The following IPCEF1 variants were observed in gnomAD, a reference collection of about 807,000 sequenced individuals.
IPCEF1 encodes interaction protein for cytohesin exchange factors 1, also known as interactor protein for cytohesin exchange factors 1.
Under a neutral mutation model 50.9 loss-of-function variants are expected in IPCEF1, and 31 were observed. The ratio of observed to expected loss-of-function variants is 0.61; its 90% CI spans 0.46 to 0.82. The LOEUF (loss-of-function observed/expected upper bound fraction) is 0.82, where lower values mean the gene tolerates loss of function less well. Among genes scored for constraint, IPCEF1 ranks in the 40% least tolerant of loss-of-function variants. The probability of loss-of-function intolerance (pLI) is 0.00; values close to 1 mark genes in which losing one functional copy is unlikely to be tolerated. For synonymous variants in IPCEF1, 181 were observed against 192.0 expected (o/e 0.94, Z 0.47); for missense variants, 458 against 514.0 (o/e 0.89, Z 1.05).
chr6:154,236,714 AT>A (rs1192649296), intron 5 of IPCEF1, among the ~76,000 whole-genome samples: 1 of 152,182 alleles, frequency 6.6e-6, no homozygotes, highest in Non-Finnish European at 1.5e-5. Context: ...GGTAACAGAC[AT>A]CTATTCATGC....
intron 3 of IPCEF1, among the ~76,000 whole-genome samples, chr6:154,259,604 A>C (rs766100194): frequency 2.0e-5 from 3 of 152,206 alleles, no homozygotes; most frequent in Non-Finnish European, 2.9e-5. Context: ...GTGAACCGAG[A>C]TCGCTCCATT....
At position 154,307,282 on chromosome 6, in the gene IPCEF1, A is replaced by C. The variant is rs1782960104; in HGVS notation, c.-61-17526T>G. 2.6e-5 allele frequency among the ~76,000 whole-genome samples: 4 copies of C among 152,100 alleles called. No homozygotes were observed. In the South Asian group the frequency reaches 8.3e-4, roughly 31 times the overall value. On this transcript the variant is annotated intron_variant, in intron 1 of 11. Transcript: ENST00000367220. ...GTTCTCATGATAGTGAATGGGTCTC[A>C]TGAGATCTGATAGTTTTTAAAATGG...
At chr6:154,213,327 A>C (rs965214157) in intron 8 of IPCEF1, 5 of 159,200 alleles carry the variant, frequency 3.1e-5, no homozygotes, top group Admixed American at 6.2e-5. Flanking sequence ...ACGAAGCTAG[A>C]AGGTGGTGGA....
chr6:154,190,501 G>A lies in IPCEF1; in HGVS notation c.910+9167C>T, dbSNP rs537959945. ...TAGCATGGCGAAAATCCAAAACACA[G>A]AAAACACCAAACGTTGGCAAGGATG... On this transcript the variant is annotated intron_variant, in intron 10 of 11. Transcript: ENST00000367220. Among the ~76,000 whole-genome samples, 874 of 152,226 alleles carry A rather than the reference G, an allele frequency of 5.7e-3. 10 individuals are homozygous for A. The highest frequency in any genetic ancestry group is 0.02 in the African/African-American group (849 of 41,538).
intron 10 of IPCEF1, among the ~76,000 whole-genome samples, chr6:154,195,165 T>TTTTTA (rs1776498737): frequency 7.8e-6 from 1 of 128,728 alleles, no homozygotes; most frequent in African/African-American, 2.8e-5. Context: ...TTTTTTTTTT[T>TTTTTA]GAGACAGAAT....
Position 154,238,338 on chromosome 6 carries a change from C to T in IPCEF1, c.246+8253G>A, listed in dbSNP as rs558670074. Among the ~76,000 whole-genome samples the T allele has an allele frequency of 2.0e-5, 3 of 152,288 alleles. No homozygotes were observed. The South Asian group carries it at 6.2e-4, about 32-fold the overall frequency. On this transcript the variant is annotated intron_variant, in intron 5 of 11. Transcript: ENST00000367220. ...TGGCGCTGTCTCGGCTCACTGCAACCTCTGCCTCCCAGGTTCAAGCGATTC... is the reference window on the plus strand; with the variant it reads ...TGGCGCTGTCTCGGCTCACTGCAACTTCTGCCTCCCAGGTTCAAGCGATTC...
At chr6:154,288,918 A>C (rs1302709249) in intron 2 of IPCEF1, among the ~76,000 whole-genome samples, 1 of 152,000 alleles carries the variant, frequency 6.6e-6, no homozygotes, top group East Asian at 1.9e-4. Context: ...TTTAAAAATT[A>C]GCTGGGCATG....
intron 2 of IPCEF1, among the ~76,000 whole-genome samples, chr6:154,277,527 T>C (rs978141716): frequency 2.6e-5 from 4 of 152,228 alleles, no homozygotes; most frequent in African/African-American, 7.2e-5. Flanking sequence ...TGACATTCTT[T>C]CAATTTCAAT....
chr6:154,349,183 C>CTTA lies in IPCEF1; in HGVS notation c.-62+7486_-62+7488dup, dbSNP rs149749046. On this transcript the variant is annotated intron_variant, in intron 1 of 11. Transcript: ENST00000367220. ...TTCTCAGAGGTTTGTATTATTTTATCTTATTATTATTATTATTATTATTAT... is the reference window on the plus strand; with the variant it reads ...TTCTCAGAGGTTTGTATTATTTTATCTTATTATTATTATTATTATTATTATTAT... Among the ~76,000 whole-genome samples, 1,189 of 147,586 alleles carry CTTA rather than the reference C, an allele frequency of 8.1e-3. 14 individuals carry two copies. Among genetic ancestry groups the CTTA allele is most frequent in the African/African-American group, 0.023 (932 of 39,938 alleles).
chr6:154,187,164 T>A (rs1257036419), intron 10 of IPCEF1, among the ~76,000 whole-genome samples: 1 of 152,102 alleles, frequency 6.6e-6, no homozygotes, highest in East Asian at 1.9e-4. Context: ...CCCTCTCCCC[T>A]CCATAGTTTT....
chr6:154,351,969 CTG>C (rs1491376728), intron 1 of IPCEF1, among the ~76,000 whole-genome samples: 10 of 151,926 alleles, frequency 6.6e-5, no homozygotes, highest in Non-Finnish European at 1.2e-4. Flanking sequence ...AAAACACACA[CTG>C]AGGCCTGTGA....
intron 11 of IPCEF1, among the ~76,000 whole-genome samples, chr6:154,163,425 CT>C (rs1799182619): frequency 6.6e-6 from 1 of 152,184 alleles, no homozygotes; most frequent in African/African-American, 2.4e-5. Flanking sequence ...CTTTCATGTC[CT>C]TCCTAATTAA....
chr6:154,286,929 G>C (rs545090868), intron 2 of IPCEF1, among the ~76,000 whole-genome samples: 1 of 152,190 alleles, frequency 6.6e-6, no homozygotes, highest in Non-Finnish European at 1.5e-5. Context: ...AGTGTTGAAG[G>C]AGGGGCCTGG....
At chr6:154,229,346 G>GTTTTTT (rs34462600) in intron 5 of IPCEF1, among the ~76,000 whole-genome samples, 1 of 112,680 alleles carries the variant, frequency 8.9e-6, no homozygotes, top group Non-Finnish European at 1.8e-5. Flanking sequence ...AAGTTTGCCG[G>GTTTTTT]TTTTTTTTTT....
At chr6:154,294,425 GGT>G (rs1303573520) in intron 1 of IPCEF1, among the ~76,000 whole-genome samples, 1 of 152,168 alleles carries the variant, frequency 6.6e-6, no homozygotes, top group East Asian at 1.9e-4. Flanking sequence ...GGATGCAATA[GGT>G]TATGCCTATA....
chr6:154,230,214 A>G (rs1330424731), intron 5 of IPCEF1, among the ~76,000 whole-genome samples: 1 of 152,230 alleles, frequency 6.6e-6, no homozygotes, highest in Non-Finnish European at 1.5e-5. Context: ...GATACATAAA[A>G]TGTACCTTAA....
In IPCEF1 at chr6:154,290,893, C is replaced by CTTTTTTTTTTTT. The variant is rs3045866; in HGVS notation, c.-61-1149_-61-1138dup. On this transcript the variant is annotated intron_variant, in intron 1 of 11. Transcript: ENST00000367220. ...AATTTTTCCAGTAGGAATATATTGC[C>CTTTTTTTTTTTT]TTTTTTTTTTTTTTGAGACAGAGTC... Among the ~76,000 whole-genome samples the CTTTTTTTTTTTT allele has an allele frequency of 4.6e-4, 58 of 127,292 alleles. 5 individuals are homozygous for CTTTTTTTTTTTT. Among genetic ancestry groups the CTTTTTTTTTTTT allele is most frequent in the African/African-American group, 9.2e-4 (29 of 31,558 alleles). 83.5% of individuals were successfully genotyped at this position (127,292 alleles called of 152,430 possible). A position where few individuals can be genotyped will look rare whatever the true frequency, so the allele number is the denominator to read the frequency against.
intron 10 of IPCEF1, among the ~76,000 whole-genome samples, chr6:154,186,085 A>G (rs1801322709): frequency 6.6e-6 from 1 of 152,176 alleles, no homozygotes; most frequent in South Asian, 2.1e-4. Flanking sequence ...GGTGATCTCA[A>G]TTAGCCACAA....
intron 5 of IPCEF1, among the ~76,000 whole-genome samples, chr6:154,231,818 A>G (rs768654097): frequency 6.6e-6 from 1 of 152,246 alleles, no homozygotes; most frequent in Non-Finnish European, 1.5e-5. Flanking sequence ...AATCGGGTAC[A>G]TGATTGATTT....
Sources: allele counts gnomAD v4.1 joint callset (sites outside exome capture counted in the v4.1 genomes callset), GRCh38; gene constraint gnomAD v4.1.1; transcripts MANE v1.5; gene names NCBI Gene and HGNC (gene_info 2026-07-23, HGNC 2026-07-21).